Variants in ECE1 observed in about 807,000 individuals in gnomAD.
ECE1 encodes the protein endothelin converting enzyme 1.
In ECE1, 35 loss-of-function variants were observed where a neutral mutation model predicts 98.6. That is an observed-to-expected ratio of 0.35 (90% CI 0.27 to 0.47). The LOEUF (loss-of-function observed/expected upper bound fraction) is 0.47. ECE1 is among the 20% of genes least tolerant of loss of function. The probability of loss-of-function intolerance (pLI) is 1.00; values close to 1 mark genes in which losing one functional copy is unlikely to be tolerated. For synonymous variants in ECE1, 394 were observed against 407.1 expected (o/e 0.97, Z 0.39); for missense variants, 814 against 1,025.3 (o/e 0.79, Z 2.81).
At chr1:21,268,120 C>G (rs1378551785) in intron 4 of ECE1, among the ~76,000 whole-genome samples, 1 of 152,056 alleles carries the variant, frequency 6.6e-6, no homozygotes, top group Non-Finnish European at 1.5e-5. Flanking sequence ...TAGAGAGGCC[C>G]TTTGGTAGCC....
chr1:21,312,140 AAT>A lies in ECE1; in HGVS notation c.4-21986_4-21985del, dbSNP rs1491305699. Among the ~76,000 whole-genome samples, 559 of 142,608 alleles carry A rather than the reference AAT, an allele frequency of 3.9e-3. 2 individuals are homozygous for A. Among genetic ancestry groups the A allele is most frequent in the African/African-American group, 0.014 (514 of 37,496 alleles). 93.6% of individuals were successfully genotyped at this position (142,608 alleles called of 152,430 possible). On this transcript the variant is annotated intron_variant, in intron 1 of 18. Transcript: ENST00000415912. ...TCTGTCTCAAAAAAAAAAAAAAAAA[AAT>A]TTTTTTTTTAATTAGTCTGGTGTGG...
At chr1:21,274,086 A>G (rs377665329) in intron 3 of ECE1, among the ~76,000 whole-genome samples, 1 of 152,238 alleles carries the variant, frequency 6.6e-6, no homozygotes, top group African/African-American at 2.4e-5. Context: ...GGCACTTTGC[A>G]CACATTCAGG....
At chr1:21,236,968 G>C in intron 11 of ECE1, 124 bp from the exon 12 acceptor site, 1 of 932,132 alleles carries the variant, frequency 1.1e-6, no homozygotes, top group South Asian at 1.3e-5. Context: ...CAGGCTGGGT[G>C]AGAAGGGGAG....
At chr1:21,224,713 T>A (rs1412070689) in intron 17 of ECE1, among the ~76,000 whole-genome samples, 1 of 152,212 alleles carries the variant, frequency 6.6e-6, no homozygotes, top group African/African-American at 2.4e-5. Flanking sequence ...CGCGAGCATC[T>A]CTGAGTGTCT....
rs2098187103 is a variant in ECE1, at chr1:21,235,716, G to A, written c.1566+134C>T. On this transcript the variant is annotated intron_variant, in intron 13 of 18. Transcript: ENST00000374893. The surrounding 1 kb of genome is among the most constrained non-coding windows in gnomAD (Gnocchi z 4.2). Reference sequence around the variant, plus strand: ...TTCCTCATGCCTGACCCATACCCAAGCCCCACACCACATCATCCCTGTGTG... The same window carrying A: ...TTCCTCATGCCTGACCCATACCCAAACCCCACACCACATCATCCCTGTGTG... 1 of 972,594 alleles carries A rather than the reference G, an allele frequency of 1.0e-6. No individual in the cohort carries two copies. Among genetic ancestry groups the A allele is most frequent in the Non-Finnish European group, 1.7e-6 (1 of 603,548 alleles). 60.2% of individuals were successfully genotyped at this position (972,594 alleles called of 1,614,324 possible).
chr1:21,221,192 C>G (rs1396403306), intron 18 of ECE1, among the ~76,000 whole-genome samples: 1 of 152,196 alleles, frequency 6.6e-6, no homozygotes, highest in Admixed American at 6.5e-5. Context: ...CACAGCAAGA[C>G]AGAATCTTGC....
Position 21,225,335 on chromosome 1 carries a change from T to C in ECE1, c.1955A>G (p.Tyr652Cys). 6.2e-7 allele frequency: 1 copy of C among 1,614,232 alleles called. No homozygotes were observed. Among genetic ancestry groups the C allele is most frequent in the Non-Finnish European group, 8.5e-7 (1 of 1,180,032 alleles). Residue 652 changes from tyrosine (Y) to cysteine (C), a missense_variant, in exon 17 of 19, where the codon TAC becomes TGC. Tyr to Cys is a radical substitution (Grantham distance 194). Transcript: ENST00000374893. The surrounding 1 kb of genome is among the most constrained non-coding windows in gnomAD (Gnocchi z 5.3). ...TECMVEQYSN[Y>C]SVNGEPVNGR... Reference sequence around the variant, plus strand: ...GTTCACCGGCTCCCCGTTCACGCTGTAGTTGCTGTACTGCTCTACCATGCA... The same window carrying C: ...GTTCACCGGCTCCCCGTTCACGCTGCAGTTGCTGTACTGCTCTACCATGCA...
intron 8 of ECE1, 120 bp from the exon 9 acceptor site, chr1:21,247,483 G>A (rs1430220874): frequency 7.6e-6 from 11 of 1,438,438 alleles, no homozygotes; most frequent in Middle Eastern, 2.4e-4. Flanking sequence ...ATCTGACAGC[G>A]CACCGGGCAG....
Position 21,307,704 on chromosome 1 carries a change from C to T in ECE1, c.4-17548G>A, listed in dbSNP as rs1374631269. ...CTCTGCCTGGCTGGCAAGACCAGACCTGTTGTGGCGGCCAGGCTGTACCCA... is the reference window on the plus strand; with the variant it reads ...CTCTGCCTGGCTGGCAAGACCAGACTTGTTGTGGCGGCCAGGCTGTACCCA... On this transcript the variant is annotated intron_variant, in intron 1 of 18. Coordinates refer to the ECE1 transcript ENST00000415912. This position sits in a 1 kb window ranked among gnomAD's most constrained non-coding sequence, Gnocchi z 4.2. 6.6e-6 allele frequency among the ~76,000 whole-genome samples: 1 copy of T among 152,090 alleles called. No homozygotes were observed. The highest frequency in any genetic ancestry group is 1.5e-5 in the Non-Finnish European group (1 of 68,012).
At chr1:21,339,373 C>T (rs1028681341) in intron 1 of ECE1, among the ~76,000 whole-genome samples, 1 of 152,186 alleles carries the variant, frequency 6.6e-6, no homozygotes, top group Non-Finnish European at 1.5e-5. Flanking sequence ...AGTGGGCTTT[C>T]CCAGGAAGGC....
chr1:21,277,976 C>T (rs1400419293), intron 3 of ECE1, among the ~76,000 whole-genome samples: 2 of 152,178 alleles, frequency 1.3e-5, no homozygotes, highest in Non-Finnish European at 2.9e-5. Flanking sequence ...CCCCTCCCCA[C>T]CCCAGCGCAG....
At chr1:21,285,373 T>C (rs929177453) in intron 2 of ECE1, among the ~76,000 whole-genome samples, 5 of 152,104 alleles carry the variant, frequency 3.3e-5, no homozygotes, top group Non-Finnish European at 7.4e-5. Context: ...CAGTCTCCCA[T>C]CTCTAAAATG....
intron 5 of ECE1, among the ~76,000 whole-genome samples, chr1:21,259,450 G>C (rs2098224021): frequency 6.6e-6 from 1 of 151,998 alleles, no homozygotes; most frequent in African/African-American, 2.4e-5. Context: ...AAATTTTTTG[G>C]AGATGGGGTC....
At chr1:21,279,712 C>T (rs2098252177) in intron 2 of ECE1, 1 of 1,339,670 alleles carries the variant, frequency 7.5e-7, no homozygotes, top group Admixed American at 3.4e-5. Flanking sequence ...CTCTGCAGAG[C>T]CCCCACATCA....
At chr1:21,334,438 A>G (rs1298602184) in intron 1 of ECE1, among the ~76,000 whole-genome samples, 2 of 152,254 alleles carry the variant, frequency 1.3e-5, no homozygotes, top group Non-Finnish European at 2.9e-5. Context: ...AAGGAACCAC[A>G]AAGCCACAGG....
At chr1:21,224,716 G>C (rs2098171595) in intron 17 of ECE1, among the ~76,000 whole-genome samples, 2 of 152,148 alleles carry the variant, frequency 1.3e-5, no homozygotes, top group African/African-American at 4.8e-5. Context: ...GAGCATCTCT[G>C]AGTGTCTCTC....
chr1:21,321,710 G>C (rs1558432369), intron 1 of ECE1, among the ~76,000 whole-genome samples: 1 of 152,160 alleles, frequency 6.6e-6, no homozygotes, highest in South Asian at 2.1e-4. Flanking sequence ...CTGCCTCCCG[G>C]GTTCAAGCGA....
chr1:21,272,008 T>C (rs1016574730), intron 4 of ECE1, among the ~76,000 whole-genome samples: 7 of 151,904 alleles, frequency 4.6e-5, no homozygotes, highest in African/African-American at 1.5e-4. Flanking sequence ...TCACAGTCAA[T>C]ACTAGTCAAA....
intron 1 of ECE1, among the ~76,000 whole-genome samples, chr1:21,304,872 A>G (rs889767336): frequency 1.3e-5 from 2 of 152,234 alleles, no homozygotes; most frequent in African/African-American, 2.4e-5. Context: ...CAAGGAAAAC[A>G]GAAACTGATT....
Sources: gnomAD v4.1 joint callset for allele counts (sites outside exome capture counted in the v4.1 genomes callset) on GRCh38, gnomAD v4.1.1 for gene constraint, Gnocchi (gnomAD v3.1) non-coding constraint, MANE v1.5 for transcripts, NCBI Gene and HGNC (gene_info 2026-07-23, HGNC 2026-07-21) for gene names.